DAP: variants seen among roughly 807,000 people sequenced by gnomAD.
DAP encodes the protein death-associated protein 1.
Under a neutral mutation model 13.8 loss-of-function variants are expected in DAP, and 8 were observed. The observed-to-expected ratio is 0.58, with a 90% confidence interval of 0.34 to 1.05. The LOEUF is 1.05. Among genes scored for constraint, DAP ranks in the 50% least tolerant of loss-of-function variants. DAP has a pLI of 0.03. For synonymous variants in DAP, 47 were observed against 47.5 expected, an observed-to-expected ratio of 0.99 and a Z score of 0.04; for missense variants, 106 against 133.2, an observed-to-expected ratio of 0.80 and a Z score of 1.01.
intron 2 of DAP, among the ~76,000 whole-genome samples, chr5:10,694,221 A>C (rs959945688): frequency 6.6e-6 from 1 of 152,180 alleles, no homozygotes; most frequent in Admixed American, 6.5e-5. Context: ...TGGCAAATGG[A>C]CACCATGAGT....
At chr5:10,716,923 A>C (rs1466347014) in intron 2 of DAP, among the ~76,000 whole-genome samples, 2 of 152,192 alleles carry the variant, frequency 1.3e-5, no homozygotes, top group African/African-American at 2.4e-5. Flanking sequence ...TGGTTGCTTA[A>C]TATGATTAGA....
At chr5:10,688,799 A>ACTCT (rs1561007070) in intron 2 of DAP, among the ~76,000 whole-genome samples, 2 of 151,674 alleles carry the variant, frequency 1.3e-5, no homozygotes, top group South Asian at 4.1e-4. Flanking sequence ...GTGGAACTCC[A>ACTCT]GGACGCAGAG....
intron 2 of DAP, among the ~76,000 whole-genome samples, chr5:10,747,580 C>T (rs1739937609): frequency 6.6e-6 from 1 of 152,220 alleles, no homozygotes; most frequent in Admixed American, 6.5e-5. Flanking sequence ...ACTAGTGCGG[C>T]AATTCTCAAG....
chr5:10,699,569 C>T (rs1008541947), intron 2 of DAP, among the ~76,000 whole-genome samples: 1 of 152,214 alleles, frequency 6.6e-6, no homozygotes, highest in African/African-American at 2.4e-5. Flanking sequence ...TGTGGCCGGT[C>T]TCTGTGGCAA....
chr5:10,741,649 G>T (rs528620826), intron 2 of DAP, among the ~76,000 whole-genome samples: 1 of 152,316 alleles, frequency 6.6e-6, no homozygotes, highest in South Asian at 2.1e-4. Context: ...TCTATAAAGG[G>T]CGAGATAATA....
At position 10,760,774 on chromosome 5, in the gene DAP, C is replaced by A. The variant is rs533108267; in HGVS notation, c.55+240G>T. On this transcript the variant is annotated intron_variant, in intron 1 of 3. Coordinates refer to ENST00000230895, the MANE Select transcript of DAP (RefSeq NM_004394.3). ...GCAATCGCACAGGTACGCGGCCGCC[C>A]GCGGTCCTCAGGAAGAAACGCTTCG... Among the ~76,000 whole-genome samples, 883 of 152,228 alleles carry A rather than the reference C, an allele frequency of 5.8e-3. 7 individuals carry two copies. Among genetic ancestry groups the A allele is most frequent in the African/African-American group, 0.02 (812 of 41,570 alleles).
intron 1 of DAP, among the ~76,000 whole-genome samples, chr5:10,758,548 T>C (rs949316351): frequency 6.6e-6 from 1 of 152,088 alleles, no homozygotes; most frequent in African/African-American, 2.4e-5. Flanking sequence ...TCTAAAGGGG[T>C]TGCCCTGAAG....
At chr5:10,738,721 G>A (rs967877736) in intron 2 of DAP, among the ~76,000 whole-genome samples, 2 of 152,196 alleles carry the variant, frequency 1.3e-5, no homozygotes, top group Non-Finnish European at 2.9e-5. Context: ...GGGAAAATGG[G>A]CCAAGTCTGA....
intron 2 of DAP, among the ~76,000 whole-genome samples, chr5:10,722,903 C>T (rs945507961): frequency 6.6e-6 from 1 of 152,210 alleles, no homozygotes; most frequent in Non-Finnish European, 1.5e-5. Flanking sequence ...CCCACAGAAC[C>T]GAATATCAAT....
At chr5:10,742,006 T>C (rs1179363254) in intron 2 of DAP, among the ~76,000 whole-genome samples, 2 of 152,250 alleles carry the variant, frequency 1.3e-5, no homozygotes, top group Non-Finnish European at 2.9e-5. Context: ...ACTACGTAAA[T>C]ATCGTGTTTT....
chr5:10,706,555 T>G (rs1304321543), intron 2 of DAP, among the ~76,000 whole-genome samples: 6 of 152,230 alleles, frequency 3.9e-5, no homozygotes, highest in Admixed American at 3.9e-4. Flanking sequence ...GAGAATTTAT[T>G]CAAATGTTAC....
At chr5:10,718,594 C>A (rs750925404) in intron 2 of DAP, among the ~76,000 whole-genome samples, 2 of 152,194 alleles carry the variant, frequency 1.3e-5, no homozygotes, top group Non-Finnish European at 2.9e-5. Context: ...TCCCATTTGG[C>A]CTGTGCAGAA....
intron 2 of DAP, among the ~76,000 whole-genome samples, chr5:10,737,376 C>CAAA: frequency 6.7e-6 from 1 of 149,402 alleles, no homozygotes; most frequent in African/African-American, 2.5e-5. Context: ...AACAAAACAA[C>CAAA]AACAACAACA....
chr5:10,701,779 T>G (rs185180790), intron 2 of DAP, among the ~76,000 whole-genome samples: 4 of 152,270 alleles, frequency 2.6e-5, no homozygotes, highest in African/African-American at 9.6e-5. Flanking sequence ...CCTGGTGTTA[T>G]TACTAGCAGT....
At chr5:10,733,200 GTGTGTGTA>G (rs1383650319) in intron 2 of DAP, among the ~76,000 whole-genome samples, 2,275 of 42,512 alleles carry the variant, frequency 0.054, 48 homozygotes, top group Non-Finnish European at 0.081. Context: ...GTGTGTGTGT[GTGTGTGTA>G]TACCCTACAT....
chr5:10,680,317 A>G lies in DAP; in HGVS notation c.*739T>C, dbSNP rs181214942. On this transcript the variant is annotated 3_prime_UTR_variant, in exon 4 of 4. Transcript: ENST00000230895. ...GCTCAGGAGGTGACTCCTGAAAGGCAGCCCTTGCTTGATCTCCTGGTGGAG... is the reference window on the plus strand; with the variant it reads ...GCTCAGGAGGTGACTCCTGAAAGGCGGCCCTTGCTTGATCTCCTGGTGGAG... 619 of 201,002 alleles carry G rather than the reference A, an allele frequency of 3.1e-3. 3 individuals are homozygous for G. The highest frequency in any genetic ancestry group is 4.4e-3 in the Non-Finnish European group (434 of 98,826). 12.5% of individuals were successfully genotyped at this position (201,002 alleles called of 1,614,324 possible).
intron 2 of DAP, among the ~76,000 whole-genome samples, chr5:10,692,500 G>A (rs531544166): frequency 2.0e-5 from 3 of 152,190 alleles, no homozygotes; most frequent in South Asian, 2.1e-4. Flanking sequence ...TTAGTCCAGC[G>A]CCCATCCCAA....
chr5:10,714,688 C>A (rs191892096), intron 2 of DAP, among the ~76,000 whole-genome samples: 147 of 152,222 alleles, frequency 9.7e-4, no homozygotes, highest in Non-Finnish European at 4.7e-4. Context: ...GGAGGCTGGG[C>A]CTGGTGGGAG....
At chr5:10,684,453 C>A (rs564213514) in intron 2 of DAP, among the ~76,000 whole-genome samples, 1 of 152,294 alleles carries the variant, frequency 6.6e-6, no homozygotes, top group East Asian at 1.9e-4. Context: ...GGAATGGATG[C>A]AGTACCAAAG....
Sources: gnomAD v4.1 joint callset for allele counts (sites outside exome capture counted in the v4.1 genomes callset) on GRCh38, gnomAD v4.1.1 for gene constraint, MANE v1.5 for transcripts, NCBI Gene and HGNC (gene_info 2026-07-23, HGNC 2026-07-21) for gene names.